The following NARS2 variants were observed in gnomAD, a reference collection of about 807,000 sequenced individuals.
The protein encoded by NARS2 is asparaginyl-tRNA synthetase.
A neutral mutation model predicts 62.9 loss-of-function variants in NARS2; 60 were observed. The observed-to-expected ratio is 0.95, with a 90% CI of 0.77 to 1.18. The LOEUF is 1.18. Among genes scored for constraint, NARS2 ranks in the 50% most tolerant of loss-of-function variants. The probability of loss-of-function intolerance (pLI) is 0.00; values close to 1 mark genes in which losing one functional copy is unlikely to be tolerated. For synonymous variants in NARS2, 196 were observed against 200.0 expected (o/e 0.98, Z 0.17); for missense variants, 619 against 576.4 (o/e 1.07, Z -0.76).
chr11:78,455,422 A>G (rs369456756), intron 11 of NARS2, among the ~76,000 whole-genome samples: 3 of 152,220 alleles, frequency 2.0e-5, no homozygotes, highest in Non-Finnish European at 2.9e-5. Flanking sequence ...AAGTACACAA[A>G]TAACTAGTAT....
intron 6 of NARS2, among the ~76,000 whole-genome samples, chr11:78,505,002 T>C (rs1326059378): frequency 6.6e-6 from 1 of 152,090 alleles, no homozygotes; most frequent in Non-Finnish European, 1.5e-5. Flanking sequence ...CGGAAATGTT[T>C]CCGTGGTTTC....
rs1005018901 is a variant in NARS2, at chr11:78,441,073, T to C, written c.1289+18A>G. 9 of 1,610,020 alleles carry C rather than the reference T, an allele frequency of 5.6e-6. No individual in the cohort carries two copies. Among genetic ancestry groups the C allele is most frequent in the African/African-American group, 5.4e-5 (4 of 74,762 alleles). On this transcript the variant is annotated intron_variant, in intron 13 of 13. Transcript: ENST00000281038. ...GACAAGCAGCTAGAGTAAGAATTAT[T>C]AGGGGCCACATTCTTACCATTGGTA...
intron 5 of NARS2, among the ~76,000 whole-genome samples, chr11:78,538,527 G>A (rs1855463632): frequency 6.6e-6 from 1 of 152,122 alleles, no homozygotes; most frequent in Non-Finnish European, 1.5e-5. Context: ...GCAGTAACAA[G>A]CAAGCAGAGA....
chr11:78,454,621 G>C (rs1858089077), intron 11 of NARS2, among the ~76,000 whole-genome samples: 1 of 150,028 alleles, frequency 6.7e-6, no homozygotes, highest in South Asian at 2.1e-4. Flanking sequence ...CCAAGTCTCA[G>C]GTGTTTTTTT....
intron 7 of NARS2, among the ~76,000 whole-genome samples, chr11:78,479,270 C>T (rs1363282270): frequency 6.6e-6 from 1 of 152,084 alleles, no homozygotes; most frequent in African/African-American, 2.4e-5. Flanking sequence ...AAACAGCATA[C>T]AGCAAAAATC....
At chr11:78,448,152 C>T (rs538127716) in intron 11 of NARS2, among the ~76,000 whole-genome samples, 53 of 152,116 alleles carry the variant, frequency 3.5e-4, no homozygotes, top group African/African-American at 1.2e-3. Context: ...GTACATTATA[C>T]CCCATAACGT....
At position 78,562,732 on chromosome 11, in the gene NARS2, A is replaced by C. The variant is rs537576700; in HGVS notation, c.514-3113T>G. 5.9e-5 allele frequency among the ~76,000 whole-genome samples: 9 copies of C among 152,358 alleles called. No homozygotes were observed. In the South Asian group the frequency reaches 1.9e-3, roughly 32 times the overall value. ...ATTCTAAATAGCCAAGTTTTAGTACATAACAAGTATGTCAGTTTTATGAGC... is the reference window on the plus strand; with the variant it reads ...ATTCTAAATAGCCAAGTTTTAGTACCTAACAAGTATGTCAGTTTTATGAGC... On this transcript the variant is annotated intron_variant, in intron 4 of 13. Transcript: ENST00000281038.
chr11:78,562,031 T>TCAAAAAACAAAAAA (rs60769770), intron 4 of NARS2, among the ~76,000 whole-genome samples: 35 of 150,974 alleles, frequency 2.3e-4, no homozygotes, highest in African/African-American at 8.1e-4. Context: ...CGAGACTCTG[T>TCAAAAAACAAAAAA]CAAAAAACAA....
chr11:78,548,946 C>T (rs1855982406), intron 5 of NARS2, among the ~76,000 whole-genome samples: 1 of 152,196 alleles, frequency 6.6e-6, no homozygotes, highest in African/African-American at 2.4e-5. Flanking sequence ...CCTCTTCCTC[C>T]TTTCCCCTCA....
intron 13 of NARS2, among the ~76,000 whole-genome samples, chr11:78,437,518 A>T (rs924062376): frequency 6.6e-6 from 1 of 152,200 alleles, no homozygotes; most frequent in African/African-American, 2.4e-5. Context: ...TTCTTTTCCC[A>T]CTAAAGACCA....
chr11:78,453,515 A>G (rs1229213376), intron 11 of NARS2, among the ~76,000 whole-genome samples: 2 of 152,146 alleles, frequency 1.3e-5, no homozygotes, highest in Non-Finnish European at 2.9e-5. Context: ...TGTCCACGCT[A>G]AAGCTGAAAG....
At chr11:78,455,630 T>A (rs577326348) in intron 11 of NARS2, among the ~76,000 whole-genome samples, 208 of 152,072 alleles carry the variant, frequency 1.4e-3, no homozygotes, top group Non-Finnish European at 2.4e-3. Context: ...AAAGATCAAG[T>A]GGTATATCCA....
intron 11 of NARS2, among the ~76,000 whole-genome samples, chr11:78,455,851 G>T (rs181334797): frequency 1.3e-5 from 2 of 151,714 alleles, no homozygotes; most frequent in Non-Finnish European, 2.9e-5. Flanking sequence ...TCATCTGTAA[G>T]AAAGGGATAA....
At chr11:78,528,998 C>A in intron 5 of NARS2, 62 bp from the exon 6 acceptor site, 1 of 1,034,778 alleles carries the variant, frequency 9.7e-7, no homozygotes, top group Non-Finnish European at 1.5e-6. Context: ...ATTTCACATT[C>A]ATATACATGT....
chr11:78,521,125 T>C (rs1861103219), intron 6 of NARS2, among the ~76,000 whole-genome samples: 1 of 150,686 alleles, frequency 6.6e-6, no homozygotes, highest in African/African-American at 2.4e-5. Flanking sequence ...TAAGATAAAT[T>C]GTCAACATTA....
chr11:78,536,003 C>T (rs1426644564), intron 5 of NARS2, among the ~76,000 whole-genome samples: 1 of 152,006 alleles, frequency 6.6e-6, no homozygotes, highest in Non-Finnish European at 1.5e-5. Context: ...ACAGAGCAGC[C>T]ACAGTACTCT....
Position 78,566,131 on chromosome 11 carries a change from C to T in NARS2, c.513+1G>A, listed in dbSNP as rs1856733855. 1.2e-6 allele frequency: 2 copies of T among 1,601,550 alleles called. No individual in the cohort carries two copies. The highest frequency in any genetic ancestry group is 1.7e-5 in the Admixed American group (1 of 57,536). ...TCAAGAGGGAACTTTTAGGATCTTA[C>T]CTTAAAGAAAGAATGAATAGCAGCT... On this transcript the variant is annotated splice_donor_variant, in intron 4 of 13. Transcript: ENST00000281038. LOFTEE classifies it high-confidence loss of function.
At chr11:78,451,982 T>C (rs970430628) in intron 11 of NARS2, among the ~76,000 whole-genome samples, 1 of 152,218 alleles carries the variant, frequency 6.6e-6, no homozygotes, top group African/African-American at 2.4e-5. Flanking sequence ...ACATCACCTT[T>C]GCCCTGGGAA....
intron 7 of NARS2, among the ~76,000 whole-genome samples, chr11:78,487,933 T>G (rs191293733): frequency 5.3e-5 from 8 of 152,326 alleles, no homozygotes; most frequent in Admixed American, 3.9e-4. Flanking sequence ...CTTTTAAATG[T>G]TAAAGGAAAT....
Sources: allele counts gnomAD v4.1 joint callset (sites outside exome capture counted in the v4.1 genomes callset), GRCh38; gene constraint gnomAD v4.1.1; transcripts MANE v1.5; gene names NCBI Gene and HGNC (gene_info 2026-07-23, HGNC 2026-07-21).